CSMD3: variants seen among roughly 807,000 people sequenced by gnomAD.
CSMD3 encodes the protein CUB and sushi domain-containing protein 3.
Under a neutral mutation model 435.2 loss-of-function variants are expected in CSMD3, and 177 were observed. The ratio of observed to expected loss-of-function variants is 0.41; its 90% CI spans 0.36 to 0.46. CSMD3 has a LOEUF of 0.46. Ranked by LOEUF, CSMD3 falls within the 20% of genes least tolerant of loss-of-function variation. The pLI, the probability that CSMD3 is intolerant of heterozygous loss-of-function variation, is 0.34. For synonymous variants in CSMD3, 1,656 were observed against 1,520.5 expected, an observed-to-expected ratio of 1.09 and a Z score of -2.07; for missense variants, 4,265 against 4,504.6, an observed-to-expected ratio of 0.95 and a Z score of 1.52.
At chr8:112,844,536 A>G (rs746230876) in intron 11 of CSMD3, among the ~76,000 whole-genome samples, 14 of 151,972 alleles carry the variant, frequency 9.2e-5, no homozygotes, top group Non-Finnish European at 1.9e-4. Flanking sequence ...GATAGCTTAC[A>G]TTTGTCCTTT....
At chr8:112,821,986 T>C (rs2079543037) in intron 12 of CSMD3, among the ~76,000 whole-genome samples, 1 of 152,186 alleles carries the variant, frequency 6.6e-6, no homozygotes, top group South Asian at 2.1e-4. Flanking sequence ...TTCTGAGCTC[T>C]CTGTTATGTT....
At chr8:112,614,172 A>T (rs2131483631) in intron 22 of CSMD3, among the ~76,000 whole-genome samples, 1 of 152,248 alleles carries the variant, frequency 6.6e-6, no homozygotes, top group Non-Finnish European at 1.5e-5. Flanking sequence ...TAGCAAATAC[A>T]GGGCAGGAGG....
At position 112,341,657 on chromosome 8, in the gene CSMD3, T is replaced by C. The variant is rs1257672784; in HGVS notation, c.6472A>G (p.Thr2158Ala). 6.2e-7 allele frequency: 1 copy of C among 1,611,126 alleles called. No homozygotes were observed. The highest frequency in any genetic ancestry group is 8.5e-7 in the Non-Finnish European group (1 of 1,177,566). ...TCCAAATAATCATGTATGGTTTCTG[T>C]AGAAAAATTTACAAACTGGAGATGT... Reference protein sequence around the residue: ...GVHLQFVNFSTETIHDYLEVR... With the variant: ...GVHLQFVNFSAETIHDYLEVR... The change falls in exon 42 of 71, where the codon ACA (threonine) becomes GCA (alanine). Residue 2158 changes from threonine (T) to alanine (A), a missense_variant. Thr to Ala is a moderately conservative substitution (Grantham distance 58). This residue lies in a region of CSMD3 where 3,255 missense variants were observed against 3,380.2 expected (regional missense o/e 0.96). Transcript: ENST00000297405.
At chr8:112,320,210 A>T (rs1043371324) in intron 45 of CSMD3, among the ~76,000 whole-genome samples, 2 of 152,030 alleles carry the variant, frequency 1.3e-5, no homozygotes, top group African/African-American at 4.8e-5. Context: ...CCCTTATTCT[A>T]GTCCTTCTTG....
At chr8:112,518,012 C>A (rs915197500) in intron 27 of CSMD3, among the ~76,000 whole-genome samples, 2 of 152,056 alleles carry the variant, frequency 1.3e-5, no homozygotes, top group Non-Finnish European at 1.5e-5. Context: ...TAGGAACAAC[C>A]CAAATGTCAT....
At chr8:112,973,022 C>T (rs975161714) in intron 7 of CSMD3, among the ~76,000 whole-genome samples, 1 of 151,848 alleles carries the variant, frequency 6.6e-6, no homozygotes, top group African/African-American at 2.4e-5. Context: ...CAGTGTTTGG[C>T]TAATTAAAAT....
At chr8:113,278,541 T>G (rs764335811) in intron 3 of CSMD3, 51 bp downstream of exon 3, 1 of 850,058 alleles carries the variant, frequency 1.2e-6, no homozygotes, top group South Asian at 1.3e-5. Flanking sequence ...TTGAAAAATT[T>G]TGTTAGATTA....
At chr8:113,342,151 C>T (rs561571714) in intron 1 of CSMD3, among the ~76,000 whole-genome samples, 117 of 151,614 alleles carry the variant, frequency 7.7e-4, no homozygotes, top group Middle Eastern at 6.9e-3. Flanking sequence ...CCAAATATGC[C>T]TCTTAAAAGT....
At chr8:113,350,556 A>C (rs2094183447) in intron 1 of CSMD3, among the ~76,000 whole-genome samples, 1 of 152,110 alleles carries the variant, frequency 6.6e-6, no homozygotes, top group Admixed American at 6.6e-5. Flanking sequence ...AATGTCACTT[A>C]AAATGATTCC....
chr8:112,639,318 A>C (rs1269409731), intron 20 of CSMD3, among the ~76,000 whole-genome samples: 1 of 152,148 alleles, frequency 6.6e-6, no homozygotes, highest in Non-Finnish European at 1.5e-5. Context: ...ATATTATAGC[A>C]CTTAACTTCC....
chr8:112,557,024 C>A, intron 24 of CSMD3, 70 bp from the exon 25 acceptor site: 2 of 930,442 alleles, frequency 2.1e-6, no homozygotes, highest in South Asian at 1.4e-5. Context: ...CAAATCATTC[C>A]TTTCCTTTAC....
chr8:112,254,530 A>T (rs538368085), intron 62 of CSMD3, among the ~76,000 whole-genome samples: 1 of 152,068 alleles, frequency 6.6e-6, no homozygotes, highest in Non-Finnish European at 1.5e-5. Flanking sequence ...TTTGATATGA[A>T]TTATGAAATT....
chr8:113,222,766 A>C (rs964233948), intron 3 of CSMD3, among the ~76,000 whole-genome samples: 2 of 151,112 alleles, frequency 1.3e-5, no homozygotes, highest in Non-Finnish European at 3.0e-5. Flanking sequence ...AATCAAGCAT[A>C]AGAGTTGTGA....
chr8:113,040,460 T>A (rs1004041181), intron 5 of CSMD3, among the ~76,000 whole-genome samples: 4 of 152,168 alleles, frequency 2.6e-5, no homozygotes, highest in South Asian at 2.1e-4. Context: ...TGGAAGTTAC[T>A]TGAATAACCA....
At chr8:112,855,809 C>T (rs1318265699) in intron 11 of CSMD3, among the ~76,000 whole-genome samples, 6 of 135,568 alleles carry the variant, frequency 4.4e-5, no homozygotes, top group South Asian at 2.3e-4. Context: ...CTTAGCGAAG[C>T]TTTTTTTTTT....
intron 3 of CSMD3, among the ~76,000 whole-genome samples, chr8:113,260,779 T>C (rs1336841948): frequency 6.6e-6 from 1 of 152,108 alleles, no homozygotes; most frequent in Non-Finnish European, 1.5e-5. Context: ...CCTGTGTCCA[T>C]GTGTTCTCAT....
At chr8:112,798,972 C>T (rs926926450) in intron 13 of CSMD3, among the ~76,000 whole-genome samples, 7 of 151,688 alleles carry the variant, frequency 4.6e-5, no homozygotes, top group Non-Finnish European at 1.0e-4. Context: ...CAAATGTGCA[C>T]ACAGACCCCC....
intron 10 of CSMD3, among the ~76,000 whole-genome samples, chr8:112,877,558 A>C (rs1429471590): frequency 6.6e-6 from 1 of 152,116 alleles, no homozygotes; most frequent in African/African-American, 2.4e-5. Flanking sequence ...ATGAGCCACC[A>C]TGTCTGACCT....
chr8:112,806,402 T>C (rs2079086497), intron 12 of CSMD3, among the ~76,000 whole-genome samples: 1 of 152,154 alleles, frequency 6.6e-6, no homozygotes, highest in Non-Finnish European at 1.5e-5. Context: ...ATGACAAGAT[T>C]CTGTGGAAGT....
Sources: allele counts gnomAD v4.1 joint callset (sites outside exome capture counted in the v4.1 genomes callset), GRCh38; gene constraint gnomAD v4.1.1; regional missense constraint gnomAD v4.1.1; transcripts MANE v1.5; gene names NCBI Gene and HGNC (gene_info 2026-07-23, HGNC 2026-07-21).